Variants in PASD1 observed in about 807,000 individuals in gnomAD.
The protein encoded by PASD1 is PAS domain containing repressor 1.
PASD1 carries 13 observed loss-of-function variants against 58.8 expected under a neutral mutation model. The ratio of observed to expected loss-of-function variants is 0.22; its 90% CI spans 0.14 to 0.35. The LOEUF is 0.35. Among genes scored for constraint, PASD1 ranks in the 10% least tolerant of loss-of-function variants. The pLI, the probability that PASD1 is intolerant of heterozygous loss-of-function variation, is 1.00. For synonymous variants in PASD1, 236 were observed against 216.7 expected (o/e 1.09, Z -0.78); for missense variants, 734 against 568.3 (o/e 1.29, Z -2.96).
In PASD1 at chrX:151,626,966, A is replaced by G. The variant is rs2013796652; in HGVS notation, c.629+1436A>G. Among the ~76,000 whole-genome samples the G allele has an allele frequency of 5.4e-5, 6 of 111,927 alleles. No homozygotes were observed. The South Asian group carries it at 2.3e-3, about 42-fold the overall frequency. On this transcript the variant is annotated intron_variant, in intron 8 of 15. Transcript: ENST00000370357. ...TGTCAACCTTTAGCTGATGCTACAC[A>G]CAGAGCAGTGGGATGAGAAACAGAA... is the stretch of plus-strand genomic sequence containing the variant.
intron 5 of PASD1, 32 bp from the exon 6 acceptor site, chrX:151,621,450 G>C: frequency 2.9e-6 from 3 of 1,045,662 alleles, no homozygotes; most frequent in Non-Finnish European, 4.0e-6. Context: ...TACAAATGTA[G>C]ACTTGTTTTG....
chrX:151,596,457 CCTT>C (rs967457824), intron 1 of PASD1, among the ~76,000 whole-genome samples: 13 of 112,321 alleles, frequency 1.2e-4, no homozygotes, highest in African/African-American at 3.9e-4. Context: ...ATAACCCAAA[CCTT>C]CTCACTAGGC....
intron 1 of PASD1, among the ~76,000 whole-genome samples, chrX:151,597,495 T>C (rs1365847476): frequency 8.9e-6 from 1 of 111,860 alleles, no homozygotes; most frequent in Non-Finnish European, 1.9e-5. Context: ...TTTTACTATG[T>C]TGTATTTATA....
intron 1 of PASD1, among the ~76,000 whole-genome samples, chrX:151,598,444 A>G (rs1004187319): frequency 1.8e-5 from 2 of 111,187 alleles, no homozygotes; most frequent in African/African-American, 6.6e-5. Context: ...ATTGGGTCAC[A>G]TTTTCCATTC....
chrX:151,661,086 C>T (rs1425654932), intron 10 of PASD1, among the ~76,000 whole-genome samples: 4 of 109,344 alleles, frequency 3.7e-5, no homozygotes, highest in Non-Finnish European at 7.6e-5. Flanking sequence ...ACTCGGGAGG[C>T]GGGGCTTGCA....
intron 8 of PASD1, among the ~76,000 whole-genome samples, chrX:151,644,877 T>C (rs990580637): frequency 9.0e-6 from 1 of 111,236 alleles, no homozygotes; most frequent in Non-Finnish European, 1.9e-5. Flanking sequence ...CCTAGAATAC[T>C]GAATAAAATA....
intron 1 of PASD1, among the ~76,000 whole-genome samples, chrX:151,582,349 A>G (rs1032473226): frequency 9.1e-6 from 1 of 109,929 alleles, no homozygotes; most frequent in Admixed American, 9.6e-5. Flanking sequence ...TGGCACAATC[A>G]TGGCTCCCTG....
At chrX:151,564,864 C>T (rs1162326713) in intron 1 of PASD1, among the ~76,000 whole-genome samples, 5 of 111,472 alleles carry the variant, frequency 4.5e-5, no homozygotes, top group Non-Finnish European at 9.4e-5. Flanking sequence ...GAGCAAGACC[C>T]TGTATTTTCA....
At position 151,676,058 on chromosome X, in the gene PASD1, C is replaced by T; in HGVS notation, c.2237C>T (p.Ala746Val). ...GATCCACAGGCTTTCCAAGGCCCTG[C>T]TGCATACCAGCCAGACCAGATGAGA... is the stretch of plus-strand genomic sequence containing the variant. ...PPDPQAFQGPAAYQPDQMRSA... is the reference protein window; with the variant it reads ...PPDPQAFQGPVAYQPDQMRSA... Residue 746 changes from alanine (A) to valine (V), a missense_variant, in exon 16 of 16, where the codon GCT (alanine) becomes GTT (valine). Coordinates refer to ENST00000370357, the MANE Select transcript of PASD1 (RefSeq NM_173493.3). The T allele has an allele frequency of 8.3e-7, 1 of 1,211,325 alleles. No homozygotes were observed. Among genetic ancestry groups the T allele is most frequent in the Non-Finnish European group, 1.1e-6 (1 of 894,972 alleles).
chrX:151,627,961 C>A (rs1378546325), intron 8 of PASD1, among the ~76,000 whole-genome samples: 1 of 111,896 alleles, frequency 8.9e-6, no homozygotes, highest in Non-Finnish European at 1.9e-5. Context: ...GCCAGTGATG[C>A]TGAGCATTTT....
At chrX:151,603,265 A>G (rs1053051563) in intron 2 of PASD1, among the ~76,000 whole-genome samples, 1 of 112,531 alleles carries the variant, frequency 8.9e-6, no homozygotes, top group Admixed American at 9.4e-5. Flanking sequence ...AAAGAGGTTC[A>G]CTTTAACAAC....
intron 8 of PASD1, among the ~76,000 whole-genome samples, chrX:151,634,830 C>T (rs2013908547): frequency 9.0e-6 from 1 of 111,709 alleles, no homozygotes; most frequent in Admixed American, 9.5e-5. Flanking sequence ...AGTTTCTCAC[C>T]TGTAAAGTAA....
chrX:151,653,835 CTTCCT>C lies in PASD1; in HGVS notation c.717+5135_717+5139del, dbSNP rs2014186099. Among the ~76,000 whole-genome samples the C allele has an allele frequency of 7.8e-5, 2 of 25,577 alleles. 1 individual carries two copies. The highest frequency in any genetic ancestry group is 1.9e-4 in the African/African-American group (2 of 10,317). The allele number at this position is 25,577 out of a possible 115,157, so 22.2% of individuals were successfully genotyped here. On this transcript the variant is annotated intron_variant, in intron 9 of 15. Coordinates refer to ENST00000370357, the MANE Select transcript of PASD1 (RefSeq NM_173493.3). ...CCTTCCTTCCTTCCTTCCTTCCTTC[CTTCCT>C]TCCTTCCCTCCCTCCCTCCCTCCCT...
chrX:151,636,548 T>C (rs1231320037), intron 8 of PASD1, among the ~76,000 whole-genome samples: 1 of 110,500 alleles, frequency 9.0e-6, no homozygotes, highest in East Asian at 2.9e-4. Flanking sequence ...GGATTACAGG[T>C]GCCTGCCACC....
intron 10 of PASD1, among the ~76,000 whole-genome samples, chrX:151,660,980 C>T (rs1213169467): frequency 1.8e-5 from 2 of 110,890 alleles, no homozygotes; most frequent in African/African-American, 6.6e-5. Context: ...GGTGAAACCC[C>T]GTCTCTACTA....
intron 3 of PASD1, among the ~76,000 whole-genome samples, chrX:151,604,940 A>G (rs1569403969): frequency 8.9e-6 from 1 of 111,992 alleles, no homozygotes; most frequent in Non-Finnish European, 1.9e-5. Context: ...GATGCTTCCT[A>G]TGCCAACTGA....
intron 11 of PASD1, among the ~76,000 whole-genome samples, chrX:151,669,728 T>C (rs889674905): frequency 1.2e-4 from 13 of 112,127 alleles, no homozygotes; most frequent in Non-Finnish European, 1.9e-5. Flanking sequence ...TGTGAATTTA[T>C]TATTTTTATG....
chrX:151,572,785 A>G (rs2124221245), intron 1 of PASD1, among the ~76,000 whole-genome samples: 1 of 108,463 alleles, frequency 9.2e-6, no homozygotes, highest in South Asian at 4.1e-4. Context: ...ACGAACAGGA[A>G]TGGCTATCTC....
intron 9 of PASD1, among the ~76,000 whole-genome samples, chrX:151,656,361 C>T (rs2014241690): frequency 9.0e-6 from 1 of 111,298 alleles, no homozygotes; most frequent in Non-Finnish European, 1.9e-5. Flanking sequence ...TCCATATGAA[C>T]TTTAAAGTAG....
Sources: allele counts gnomAD v4.1 joint callset (sites outside exome capture counted in the v4.1 genomes callset), GRCh38; gene constraint gnomAD v4.1.1; transcripts MANE v1.5; gene names NCBI Gene and HGNC (gene_info 2026-07-23, HGNC 2026-07-21).